PTPRD: variants seen among roughly 807,000 people sequenced by gnomAD.
PTPRD encodes protein tyrosine phosphatase receptor type D.
A neutral mutation model predicts 214.5 loss-of-function variants in PTPRD; 34 were observed. The observed-to-expected ratio is 0.16, with a 90% CI of 0.12 to 0.21. The LOEUF (loss-of-function observed/expected upper bound fraction) is 0.21, where lower values mean the gene tolerates loss of function less well. PTPRD is among the 10% of genes least tolerant of loss of function. The pLI is 1.00. For missense variants in PTPRD, 2,545 were observed against 2,398.7 expected (o/e 1.06, Z -1.27); for synonymous variants, 1,128 against 845.7 (o/e 1.33, Z -5.79).
At chr9:9,478,751 T>A (rs1340234854) in intron 8 of PTPRD, among the ~76,000 whole-genome samples, 1 of 152,158 alleles carries the variant, frequency 6.6e-6, no homozygotes, top group Non-Finnish European at 1.5e-5. Context: ...TGAAAAAAAA[T>A]TTTAAAACCC....
At chr9:10,052,728 C>A (rs528994688) in intron 3 of PTPRD, among the ~76,000 whole-genome samples, 1 of 152,174 alleles carries the variant, frequency 6.6e-6, no homozygotes, top group East Asian at 1.9e-4. Context: ...CCTGAAACAT[C>A]ACAAACTTTC....
chr9:8,497,998 C>G (rs529761896), intron 25 of PTPRD, among the ~76,000 whole-genome samples: 1 of 152,140 alleles, frequency 6.6e-6, no homozygotes, highest in Non-Finnish European at 1.5e-5. Flanking sequence ...TTTTATACTA[C>G]GATAACTTTC....
intron 11 of PTPRD, among the ~76,000 whole-genome samples, chr9:8,849,527 A>G (rs1041254935): frequency 1.3e-5 from 2 of 152,194 alleles, no homozygotes; most frequent in Non-Finnish European, 2.9e-5. Context: ...CGCCTGGTCC[A>G]TAATTCTTTA....
intron 2 of PTPRD, among the ~76,000 whole-genome samples, chr9:10,515,648 C>T (rs186369607): frequency 6.6e-6 from 1 of 152,068 alleles, no homozygotes; most frequent in Admixed American, 6.5e-5. Context: ...ACAATACAGT[C>T]TTGTTAACTC....
At chr9:8,320,818 T>C (rs889292261) in intron 44 of PTPRD, among the ~76,000 whole-genome samples, 1 of 152,124 alleles carries the variant, frequency 6.6e-6, no homozygotes, top group African/African-American at 2.4e-5. Flanking sequence ...AATTAATTCA[T>C]AGCTCTTGTG....
chr9:9,793,562 G>C (rs907053903), intron 5 of PTPRD, among the ~76,000 whole-genome samples: 2 of 152,032 alleles, frequency 1.3e-5, no homozygotes, highest in African/African-American at 4.8e-5. Context: ...TGTTAAGAAA[G>C]ATTATCTCTG....
chr9:10,050,722 A>AAT (rs2097521302), intron 3 of PTPRD, among the ~76,000 whole-genome samples: 1 of 151,970 alleles, frequency 6.6e-6, no homozygotes, highest in South Asian at 2.1e-4. Context: ...CAATAAGACA[A>AAT]ATATCCATGG....
chr9:9,123,215 T>C (rs1310764837), intron 10 of PTPRD, among the ~76,000 whole-genome samples: 1 of 152,192 alleles, frequency 6.6e-6, no homozygotes, highest in African/African-American at 2.4e-5. Flanking sequence ...CATGGCCTCA[T>C]GCCATCTGTG....
chr9:10,569,119 C>G (rs182868054), intron 2 of PTPRD, among the ~76,000 whole-genome samples: 1 of 152,206 alleles, frequency 6.6e-6, no homozygotes, highest in African/African-American at 2.4e-5. Flanking sequence ...AGGATATGAA[C>G]AGACACTTCT....
intron 3 of PTPRD, among the ~76,000 whole-genome samples, chr9:10,166,890 G>A (rs530286788): frequency 2.0e-4 from 31 of 152,052 alleles, no homozygotes; most frequent in Non-Finnish European, 3.4e-4. Flanking sequence ...TATCTTGTAG[G>A]TATACAATAA....
intron 3 of PTPRD, among the ~76,000 whole-genome samples, chr9:10,052,169 G>A (rs189895038): frequency 6.6e-6 from 1 of 152,118 alleles, no homozygotes; most frequent in East Asian, 1.9e-4. Context: ...ATCACAAACT[G>A]TTATTATTTA....
intron 12 of PTPRD, among the ~76,000 whole-genome samples, chr9:8,672,877 T>A (rs2097315570): frequency 6.6e-6 from 1 of 151,954 alleles, no homozygotes. Context: ...TGGGGGTGTA[T>A]TTTTAGAGGC....
chr9:10,141,783 C>T lies in PTPRD; in HGVS notation c.-544-107993G>A, dbSNP rs573972176. On this transcript the variant is annotated intron_variant, in intron 3 of 45. Coordinates refer to ENST00000381196, the MANE Select transcript of PTPRD (RefSeq NM_002839.4). ...GTTCATATGGAACCAAAAAAGAGCC[C>T]GCATTGCCAAGTCAATCCTAAGCCA... Among the ~76,000 whole-genome samples the T allele has an allele frequency of 3.8e-3, 583 of 152,092 alleles. 4 individuals are homozygous for T. Among genetic ancestry groups the T allele is most frequent in the Middle Eastern group, 0.017 (5 of 294 alleles).
chr9:10,573,646 G>C (rs544894089), intron 2 of PTPRD, among the ~76,000 whole-genome samples: 28 of 152,250 alleles, frequency 1.8e-4, no homozygotes, highest in Non-Finnish European at 3.5e-4. Flanking sequence ...GGAGGAAGCT[G>C]GGAATCCTGC....
At chr9:10,350,537 C>T (rs1407482203) in intron 2 of PTPRD, among the ~76,000 whole-genome samples, 3 of 151,832 alleles carry the variant, frequency 2.0e-5, no homozygotes, top group Non-Finnish European at 4.4e-5. Flanking sequence ...TCATTTAATC[C>T]TCATTACAAT....
intron 11 of PTPRD, among the ~76,000 whole-genome samples, chr9:8,929,013 C>T (rs894787775): frequency 2.6e-5 from 4 of 152,066 alleles, no homozygotes; most frequent in African/African-American, 9.7e-5. Flanking sequence ...TATAGGAATG[C>T]CTGTGATTTT....
At chr9:8,409,247 T>C (rs965573479) in intron 35 of PTPRD, among the ~76,000 whole-genome samples, 3 of 152,158 alleles carry the variant, frequency 2.0e-5, no homozygotes, top group African/African-American at 7.2e-5. Context: ...AACTGAGGTA[T>C]AGATAAGACA....
In PTPRD at chr9:8,500,874, T is replaced by A; in HGVS notation, c.2008A>T (p.Thr670Ser). Residue 670 changes from threonine (T) to serine (S), a missense_variant, in exon 24 of 46, where the codon ACC becomes TCC. By Grantham distance (58) the Thr-to-Ser change is moderately conservative (BLOSUM62 1). Coordinates refer to ENST00000381196, the MANE Select transcript of PTPRD (RefSeq NM_002839.4). ...TCCAGCTGTTCCAAAAGGTATTTGGTAGTGTCCGAAGGAATTCCCAAAATC... is the reference window on the plus strand; with the variant it reads ...TCCAGCTGTTCCAAAAGGTATTTGGAAGTGTCCGAAGGAATTCCCAAAATC... ...HEILGIPSDT[T>S]KYLLEQLEKW... 6.2e-7 allele frequency: 1 copy of A among 1,614,128 alleles called. No individual in the cohort carries two copies. The highest frequency in any genetic ancestry group is 8.5e-7 in the Non-Finnish European group (1 of 1,180,006).
At chr9:8,603,225 T>C (rs985575101) in intron 14 of PTPRD, among the ~76,000 whole-genome samples, 4 of 151,996 alleles carry the variant, frequency 2.6e-5, no homozygotes, top group African/African-American at 9.7e-5. Context: ...TGTAAAATCA[T>C]TCATTACTCT....
Sources: gnomAD v4.1 joint callset for allele counts (sites outside exome capture counted in the v4.1 genomes callset) on GRCh38, gnomAD v4.1.1 for gene constraint, MANE v1.5 for transcripts, NCBI Gene and HGNC (gene_info 2026-07-23, HGNC 2026-07-21) for gene names.